The following TAFA2 variants were observed in gnomAD, a reference collection of about 807,000 sequenced individuals.
The protein encoded by TAFA2 is chemokine-like protein TAFA-2.
In TAFA2, 7 loss-of-function variants were observed where a neutral mutation model predicts 18.8. That is an observed-to-expected ratio of 0.37 (90% CI 0.21 to 0.70). TAFA2 has a LOEUF of 0.70. TAFA2 is among the 30% of genes least tolerant of loss of function. The pLI, the probability that TAFA2 is intolerant of heterozygous loss-of-function variation, is 0.53. For synonymous variants in TAFA2, 60 were observed against 54.2 expected (o/e 1.11, Z -0.47); for missense variants, 122 against 158.1 (o/e 0.77, Z 1.23).
chr12:62,177,287 T>C (rs2136947387), intron 1 of TAFA2, among the ~76,000 whole-genome samples: 1 of 152,338 alleles, frequency 6.6e-6, no homozygotes, highest in Non-Finnish European at 1.5e-5. Flanking sequence ...TGGCTCTCTC[T>C]TCCTGCCACC....
At chr12:62,213,751 A>G (rs1448515706) in intron 1 of TAFA2, among the ~76,000 whole-genome samples, 2 of 152,206 alleles carry the variant, frequency 1.3e-5, no homozygotes, top group African/African-American at 4.8e-5. Context: ...GTTAAATAAT[A>G]AATACTTATC....
intron 1 of TAFA2, chr12:62,070,510 G>A (rs944262712): frequency 6.6e-6 from 1 of 152,132 alleles, no homozygotes; most frequent in African/African-American, 2.4e-5. Flanking sequence ...CTTACTGATG[G>A]AAGAAGTGGC....
intron 2 of TAFA2, among the ~76,000 whole-genome samples, chr12:61,838,854 T>A (rs532930835): frequency 6.6e-6 from 1 of 152,146 alleles, no homozygotes; most frequent in Non-Finnish European, 1.5e-5. Context: ...TCAAATAATT[T>A]TTGTTTTTCA....
At chr12:61,842,219 C>T (rs952156777) in intron 2 of TAFA2, among the ~76,000 whole-genome samples, 1 of 151,696 alleles carries the variant, frequency 6.6e-6, no homozygotes. Context: ...AAGAAGAGAA[C>T]AAAAATATGG....
chr12:61,914,873 G>T (rs1876757226), intron 1 of TAFA2, among the ~76,000 whole-genome samples: 1 of 152,104 alleles, frequency 6.6e-6, no homozygotes, highest in African/African-American at 2.4e-5. Context: ...AGAAGAGAAT[G>T]ATGTGTTGGC....
At chr12:62,253,992 C>T (rs962627515) in intron 1 of TAFA2, among the ~76,000 whole-genome samples, 7 of 152,308 alleles carry the variant, frequency 4.6e-5, no homozygotes, top group African/African-American at 1.7e-4. Flanking sequence ...CTTCCAAATA[C>T]ATTGTTTTAT....
intron 4 of TAFA2, among the ~76,000 whole-genome samples, chr12:61,716,462 C>T (rs930041649): frequency 6.6e-6 from 1 of 152,108 alleles, no homozygotes; most frequent in African/African-American, 2.4e-5. Flanking sequence ...GAGTTCTACC[C>T]TATATCCCAG....
intron 4 of TAFA2, among the ~76,000 whole-genome samples, chr12:61,714,551 T>A (rs1869560226): frequency 6.6e-6 from 1 of 152,206 alleles, no homozygotes; most frequent in Non-Finnish European, 1.5e-5. Context: ...AAACAACTCA[T>A]GCTAAAATCA....
chr12:61,874,685 C>A (rs576007417), intron 1 of TAFA2, among the ~76,000 whole-genome samples: 1 of 152,070 alleles, frequency 6.6e-6, no homozygotes, highest in African/African-American at 2.4e-5. Flanking sequence ...TAAATGATTT[C>A]TCCAGAAACA....
intron 1 of TAFA2, among the ~76,000 whole-genome samples, chr12:62,139,143 A>C: frequency 6.6e-6 from 1 of 152,168 alleles, no homozygotes; most frequent in East Asian, 1.9e-4. Context: ...AGATCTTGTC[A>C]ATCTCTGCTA....
chr12:61,971,180 G>A (rs1879234786), intron 1 of TAFA2, among the ~76,000 whole-genome samples: 1 of 151,662 alleles, frequency 6.6e-6, no homozygotes, highest in Non-Finnish European at 1.5e-5. Flanking sequence ...GGTGATGAAG[G>A]AAGACTTCCT....
intron 2 of TAFA2, among the ~76,000 whole-genome samples, chr12:61,860,868 A>G (rs1156449409): frequency 6.6e-6 from 1 of 152,154 alleles, no homozygotes; most frequent in Non-Finnish European, 1.5e-5. Flanking sequence ...GTAATTAACT[A>G]TTTGTGTTAT....
intron 1 of TAFA2, among the ~76,000 whole-genome samples, chr12:62,074,389 A>C (rs531613412): frequency 5.9e-5 from 9 of 152,328 alleles, no homozygotes; most frequent in African/African-American, 2.2e-4. Context: ...AAACCCTTCA[A>C]ATTCTAATCT....
At chr12:61,716,581 TA>T (rs967606921) in intron 4 of TAFA2, among the ~76,000 whole-genome samples, 4 of 151,984 alleles carry the variant, frequency 2.6e-5, no homozygotes, top group African/African-American at 7.2e-5. Context: ...TAGCTTAATT[TA>T]AAAAAAATTC....
At chr12:62,224,637 T>C (rs1033108414) in intron 1 of TAFA2, among the ~76,000 whole-genome samples, 7 of 152,048 alleles carry the variant, frequency 4.6e-5, no homozygotes, top group East Asian at 1.9e-4. Context: ...ATTTAGACCA[T>C]AGCACTGGAG....
chr12:62,058,090 T>G (rs1882232930), intron 1 of TAFA2, among the ~76,000 whole-genome samples: 1 of 152,232 alleles, frequency 6.6e-6, no homozygotes, highest in African/African-American at 2.4e-5. Context: ...AGACATTGTT[T>G]TCTTTTAATA....
At chr12:61,866,844 G>A (rs1173129874) in intron 2 of TAFA2, among the ~76,000 whole-genome samples, 1 of 151,978 alleles carries the variant, frequency 6.6e-6, no homozygotes, top group Non-Finnish European at 1.5e-5. Flanking sequence ...ACCAGGATAA[G>A]TGCAATCTGA....
chr12:61,880,691 C>T, intron 1 of TAFA2: 1 of 360,002 alleles, frequency 2.8e-6, no homozygotes, highest in Non-Finnish European at 5.5e-6. Context: ...GCCATACCAG[C>T]TCCACCAGGG....
intron 4 of TAFA2, among the ~76,000 whole-genome samples, chr12:61,719,331 T>C (rs536913966): frequency 2.6e-5 from 4 of 152,328 alleles, no homozygotes; most frequent in African/African-American, 9.6e-5. Context: ...TTGTTCTAGA[T>C]GTCACAATGG....
Sources: allele counts gnomAD v4.1 joint callset (sites outside exome capture counted in the v4.1 genomes callset), GRCh38; gene constraint gnomAD v4.1.1; transcripts MANE v1.5; gene names NCBI Gene and HGNC (gene_info 2026-07-23, HGNC 2026-07-21).